TSHZ2: variants seen among roughly 807,000 people sequenced by gnomAD.
The protein encoded by TSHZ2 is teashirt zinc finger homeobox 2, also known as teashirt homolog 2.
In TSHZ2, 21 loss-of-function variants were observed where a neutral mutation model predicts 74.4. The observed-to-expected ratio is 0.28, with a 90% confidence interval of 0.20 to 0.41. The LOEUF (loss-of-function observed/expected upper bound fraction) is 0.41, where lower values mean the gene tolerates loss of function less well. Ranked by LOEUF, TSHZ2 falls within the 10% of genes least tolerant of loss-of-function variation. The pLI, the probability that TSHZ2 is intolerant of heterozygous loss-of-function variation, is 1.00. For missense variants in TSHZ2, 1,244 were observed against 1,293.5 expected, an observed-to-expected ratio of 0.96 and a Z score of 0.59; for synonymous variants, 540 against 515.3, an observed-to-expected ratio of 1.05 and a Z score of -0.65.
At chr20:53,329,405 A>G (rs1979626176) in intron 2 of TSHZ2, among the ~76,000 whole-genome samples, 1 of 152,216 alleles carries the variant, frequency 6.6e-6, no homozygotes, top group Non-Finnish European at 1.5e-5. Context: ...CGGTGATTAT[A>G]CACAGACCCC....
chr20:53,367,250 A>G (rs1981297126), intron 2 of TSHZ2, among the ~76,000 whole-genome samples: 1 of 151,558 alleles, frequency 6.6e-6, no homozygotes. Context: ...AAAAAAATAC[A>G]AAAATTAGCC....
chr20:52,973,439 G>T (rs1321933780), intron 1 of TSHZ2, 106 bp downstream of exon 1: 3 of 1,434,318 alleles, frequency 2.1e-6, no homozygotes, highest in Non-Finnish European at 2.8e-6. Flanking sequence ...GCTTTCGGGG[G>T]AGTTTGCGCC....
At chr20:53,113,053 G>A (rs1210517259) in intron 1 of TSHZ2, among the ~76,000 whole-genome samples, 4 of 152,160 alleles carry the variant, frequency 2.6e-5, no homozygotes, top group Non-Finnish European at 5.9e-5. Flanking sequence ...TATCAGCCAC[G>A]GCTTGCAGTG....
In TSHZ2 at chr20:53,254,411, C is replaced by T; in HGVS notation, c.953C>T (p.Thr318Ile). 3.1e-6 allele frequency: 5 copies of T among 1,613,590 alleles called. No homozygotes were observed. Among genetic ancestry groups the T allele is most frequent in the Non-Finnish European group, 4.2e-6 (5 of 1,179,564 alleles). Residue 318 changes from threonine to isoleucine, a missense_variant, in exon 2 of 3, where the codon ACC becomes ATC. Thr to Ile is a moderately conservative substitution (Grantham distance 89). This residue lies in a region of TSHZ2 where 470 missense variants were observed against 456.5 expected (regional missense o/e 1.03). Transcript: ENST00000371497. ...PVPTISSKMV[T>I]PAKKRVFDVN... ...CCAACCATTTCCTCGAAAATGGTCA[C>T]CCCGGCTAAGAAACGCGTTTTTGAT...
At chr20:53,089,581 C>T (rs970451549) in intron 1 of TSHZ2, among the ~76,000 whole-genome samples, 2 of 152,160 alleles carry the variant, frequency 1.3e-5, no homozygotes, top group African/African-American at 4.8e-5. Context: ...AGAAAAATCA[C>T]AGCCCCTTTG....
intron 1 of TSHZ2, among the ~76,000 whole-genome samples, chr20:53,098,967 A>G (rs550603024): frequency 6.6e-6 from 1 of 152,300 alleles, no homozygotes; most frequent in South Asian, 2.1e-4. Flanking sequence ...ATATTTTCAT[A>G]TGGTTAAGTC....
chr20:53,217,164 T>A (rs1739846481), intron 1 of TSHZ2, among the ~76,000 whole-genome samples: 1 of 152,132 alleles, frequency 6.6e-6, no homozygotes, highest in Non-Finnish European at 1.5e-5. Context: ...TGAAGCTGTG[T>A]CCTCCCAAGT....
chr20:53,056,922 G>C (rs1984658226), intron 1 of TSHZ2, among the ~76,000 whole-genome samples: 1 of 152,180 alleles, frequency 6.6e-6, no homozygotes, highest in Non-Finnish European at 1.5e-5. Context: ...TGGTGTGGCT[G>C]TGTCCCCACC....
intron 1 of TSHZ2, among the ~76,000 whole-genome samples, chr20:53,056,434 G>A (rs6097213): frequency 1.1e-4 from 17 of 152,264 alleles, no homozygotes; most frequent in African/African-American, 3.4e-4. Context: ...GTATCATTTC[G>A]CCCAATACCG....
chr20:53,115,715 G>A (rs1986650715), intron 1 of TSHZ2, among the ~76,000 whole-genome samples: 1 of 152,146 alleles, frequency 6.6e-6, no homozygotes, highest in South Asian at 2.1e-4. Context: ...CAACAGGGAG[G>A]TGGTATTTGG....
intron 2 of TSHZ2, among the ~76,000 whole-genome samples, chr20:53,290,121 A>C (rs548233684): frequency 1.3e-5 from 2 of 152,276 alleles, no homozygotes; most frequent in Admixed American, 1.3e-4. Context: ...ATGGCGTTCC[A>C]CCTTCCTATG....
chr20:53,089,320 CTTTTTTT>C (rs5841928), intron 1 of TSHZ2, among the ~76,000 whole-genome samples: 6 of 100,022 alleles, frequency 6.0e-5, no homozygotes, highest in African/African-American at 1.1e-4. Context: ...ATGGGATTTT[CTTTTTTT>C]TTTTTTTTTT....
intron 2 of TSHZ2, among the ~76,000 whole-genome samples, chr20:53,350,680 T>C (rs193079374): frequency 1.3e-5 from 2 of 152,302 alleles, no homozygotes; most frequent in Admixed American, 1.3e-4. Flanking sequence ...CCAAAAGAAG[T>C]CCCCAGCACC....
intron 1 of TSHZ2, among the ~76,000 whole-genome samples, chr20:53,128,630 CT>C (rs34787845): frequency 2.1e-3 from 309 of 148,196 alleles, no homozygotes; most frequent in Non-Finnish European, 3.1e-3. Flanking sequence ...AGCAGGAGCA[CT>C]TTTTTTTTTA....
intron 1 of TSHZ2, among the ~76,000 whole-genome samples, chr20:53,217,194 G>A (rs1989457521): frequency 1.3e-5 from 2 of 152,256 alleles, no homozygotes; most frequent in Admixed American, 6.5e-5. Context: ...GGGATAGTGC[G>A]AGAGCCGCAC....
intron 1 of TSHZ2, among the ~76,000 whole-genome samples, chr20:53,046,647 A>C (rs1984238609): frequency 6.6e-6 from 1 of 152,104 alleles, no homozygotes; most frequent in Admixed American, 6.6e-5. Flanking sequence ...AAAAAAAACA[A>C]AACAAAACAA....
intron 1 of TSHZ2, among the ~76,000 whole-genome samples, chr20:53,131,819 A>AACCC (rs1987108349): frequency 2.1e-5 from 2 of 95,406 alleles, no homozygotes; most frequent in African/African-American, 3.7e-5. Context: ...TTGAATGACA[A>AACCC]CCCCCCCCCC....
intron 1 of TSHZ2, among the ~76,000 whole-genome samples, chr20:53,024,025 A>G (rs1223988505): frequency 6.6e-6 from 1 of 152,132 alleles, no homozygotes; most frequent in Non-Finnish European, 1.5e-5. Flanking sequence ...ACAAATTGCC[A>G]TAAAGGGGAG....
intron 2 of TSHZ2, among the ~76,000 whole-genome samples, chr20:53,454,948 A>G (rs1157230601): frequency 3.3e-5 from 5 of 152,088 alleles, no homozygotes; most frequent in African/African-American, 1.2e-4. Context: ...CACCCACTTC[A>G]TGTTGACCAA....
Sources: gnomAD v4.1 joint callset for allele counts (sites outside exome capture counted in the v4.1 genomes callset) on GRCh38, gnomAD v4.1.1 for gene constraint, gnomAD v4.1.1 regional missense constraint, MANE v1.5 for transcripts, NCBI Gene and HGNC (gene_info 2026-07-23, HGNC 2026-07-21) for gene names.